Variants in OPCML observed in about 807,000 individuals in gnomAD.
The protein encoded by OPCML is opioid-binding protein/cell adhesion molecule.
In OPCML, 13 loss-of-function variants were observed where a neutral mutation model predicts 37.8. That is an observed-to-expected ratio of 0.34 (90% CI 0.22 to 0.55). The LOEUF (loss-of-function observed/expected upper bound fraction) is 0.55. OPCML is among the 20% of genes least tolerant of loss of function. The probability of loss-of-function intolerance (pLI) is 0.91; values close to 1 mark genes in which losing one functional copy is unlikely to be tolerated. For synonymous variants in OPCML, 176 were observed against 168.8 expected (o/e 1.04, Z -0.33); for missense variants, 341 against 435.6 (o/e 0.78, Z 1.93).
chr11:132,416,220 C>T lies in OPCML; in HGVS notation c.*3973G>A, dbSNP rs2095938125. ...GTGTGTTGGTCTGTTTCATTTTGGA[C>T]TGGTTTTAGGTAATGCATAGCCAGT... On this transcript the variant is annotated 3_prime_UTR_variant, in exon 8 of 8. Transcript: ENST00000524381. 1 of 152,150 alleles carries T rather than the reference C, an allele frequency of 6.6e-6. No individual in the cohort carries two copies. The highest frequency in any genetic ancestry group is 1.5e-5 in the Non-Finnish European group (1 of 68,034). The allele number at this position is 152,150 out of a possible 1,614,324, so 9.4% of individuals were successfully genotyped here. A position where few individuals can be genotyped will look rare whatever the true frequency, so the allele number is the denominator to read the frequency against.
chr11:132,803,431 G>A (rs907440069), intron 2 of OPCML, among the ~76,000 whole-genome samples: 2 of 152,276 alleles, frequency 1.3e-5, no homozygotes, highest in Middle Eastern at 3.4e-3. Context: ...TAAGGATGGG[G>A]ATAAAAATAA....
intron 2 of OPCML, among the ~76,000 whole-genome samples, chr11:132,871,461 T>C (rs1942791822): frequency 1.3e-5 from 2 of 152,216 alleles, no homozygotes; most frequent in Admixed American, 1.3e-4. Context: ...TCATGACTGT[T>C]TACATAATGT....
At chr11:132,614,193 A>G (rs1938842980) in intron 3 of OPCML, among the ~76,000 whole-genome samples, 1 of 152,028 alleles carries the variant, frequency 6.6e-6, no homozygotes, top group Non-Finnish European at 1.5e-5. Flanking sequence ...CTGCCCAGAC[A>G]TGCCCTGTGC....
intron 1 of OPCML, among the ~76,000 whole-genome samples, chr11:133,156,426 C>T (rs577409164): frequency 6.6e-6 from 1 of 152,306 alleles, no homozygotes; most frequent in African/African-American, 2.4e-5. Context: ...CCTTCCTGAC[C>T]CTTCTCTATG....
At chr11:133,004,363 AAT>A (rs1947066573) in intron 1 of OPCML, 2 of 985,326 alleles carry the variant, frequency 2.0e-6, no homozygotes, top group African/African-American at 3.5e-5. Context: ...ATGTTTTATT[AAT>A]GGTTCTGCTC....
chr11:133,344,235 G>T (rs558670593), intron 1 of OPCML, among the ~76,000 whole-genome samples: 2 of 152,288 alleles, frequency 1.3e-5, no homozygotes, highest in South Asian at 2.1e-4. Flanking sequence ...GCCCCAGGTG[G>T]TATTTCTCCA....
At chr11:133,410,862 T>C (rs1945637146) in intron 1 of OPCML, among the ~76,000 whole-genome samples, 1 of 152,160 alleles carries the variant, frequency 6.6e-6, no homozygotes, top group Middle Eastern at 3.2e-3. Context: ...CTTGGGCCTG[T>C]GAAAAGGTAA....
chr11:133,098,604 A>G (rs970640577), intron 1 of OPCML, among the ~76,000 whole-genome samples: 3 of 152,182 alleles, frequency 2.0e-5, no homozygotes, highest in Non-Finnish European at 4.4e-5. Flanking sequence ...CAATAGATGC[A>G]TTTTACAAAA....
At chr11:132,614,711 A>C (rs905722999) in intron 3 of OPCML, among the ~76,000 whole-genome samples, 3 of 152,230 alleles carry the variant, frequency 2.0e-5, no homozygotes, top group Admixed American at 6.5e-5. Flanking sequence ...TTCACAGGTA[A>C]AATCTTCAGA....
At chr11:132,695,401 G>A (rs934937859) in intron 2 of OPCML, among the ~76,000 whole-genome samples, 3 of 152,182 alleles carry the variant, frequency 2.0e-5, no homozygotes, top group Admixed American at 1.3e-4. Context: ...CGGGAGGCAG[G>A]AGCAGTATTA....
At chr11:133,148,540 C>T (rs762408323) in intron 1 of OPCML, among the ~76,000 whole-genome samples, 8 of 152,210 alleles carry the variant, frequency 5.3e-5, no homozygotes, top group Non-Finnish European at 8.8e-5. Context: ...AGGAGACTGG[C>T]CTTCGGGTAG....
chr11:132,500,607 G>C lies in OPCML; in HGVS notation c.505+28454C>G, dbSNP rs538985409. Among the ~76,000 whole-genome samples the C allele has an allele frequency of 2.0e-5, 3 of 152,234 alleles. No homozygotes were observed. The East Asian group carries it at 5.8e-4, about 29-fold the overall frequency. On this transcript the variant is annotated intron_variant, in intron 4 of 7. Coordinates refer to ENST00000524381, the MANE Select transcript of OPCML (RefSeq NM_001012393.5). ...TAAGTTCTGGGATACACGTGCAGAA[G>C]GTGCAGATTTGTTACATAGGTGTAC...
chr11:132,860,331 G>C (rs1411177579), intron 2 of OPCML: 1 of 152,192 alleles, frequency 6.6e-6, no homozygotes, highest in Non-Finnish European at 1.5e-5. Context: ...CTCAAAACTT[G>C]AGTTATACTA....
chr11:132,928,621 C>T (rs113171284), intron 2 of OPCML, among the ~76,000 whole-genome samples: 1,772 of 152,054 alleles, frequency 0.012, 45 homozygotes, highest in African/African-American at 0.04. Context: ...ACCAATTAGA[C>T]GTAACAGAAA....
At chr11:132,603,333 A>C (rs1238627557) in intron 3 of OPCML, among the ~76,000 whole-genome samples, 1 of 152,206 alleles carries the variant, frequency 6.6e-6, no homozygotes, top group Non-Finnish European at 1.5e-5. Context: ...CTTGTGCTAT[A>C]ATCCCCTTGG....
intron 1 of OPCML, among the ~76,000 whole-genome samples, chr11:133,074,541 C>T (rs189317557): frequency 6.6e-6 from 1 of 152,158 alleles, no homozygotes; most frequent in African/African-American, 2.4e-5. Context: ...GCAGACTTTC[C>T]AGGCCAGACT....
intron 1 of OPCML, among the ~76,000 whole-genome samples, chr11:132,966,469 G>A (rs1045255001): frequency 1.1e-4 from 16 of 152,194 alleles, no homozygotes; most frequent in South Asian, 2.1e-4. Context: ...TTATGGCCAA[G>A]CATCTGCTGT....
chr11:133,481,478 AATGT>A (rs1555165334), intron 1 of OPCML, among the ~76,000 whole-genome samples: 44 of 151,970 alleles, frequency 2.9e-4, no homozygotes, highest in African/African-American at 1.1e-3. Flanking sequence ...TAAATAAATA[AATGT>A]ATGTATGTAA....
At chr11:132,515,659 G>A (rs1200722681) in intron 4 of OPCML, among the ~76,000 whole-genome samples, 1 of 152,204 alleles carries the variant, frequency 6.6e-6, no homozygotes, top group African/African-American at 2.4e-5. Context: ...TCTAAGCAAT[G>A]TTAGTTGGTT....
Sources: gnomAD v4.1 joint callset for allele counts (sites outside exome capture counted in the v4.1 genomes callset) on GRCh38, gnomAD v4.1.1 for gene constraint, MANE v1.5 for transcripts, NCBI Gene and HGNC (gene_info 2026-07-23, HGNC 2026-07-21) for gene names.